The following CFTR variants were observed in gnomAD, a reference collection of about 807,000 sequenced individuals.
CFTR encodes the protein cystic fibrosis transmembrane conductance regulator.
CFTR carries 181 observed loss-of-function variants against 171.6 expected under a neutral mutation model. That is an observed-to-expected ratio of 1.05 (90% confidence interval 0.93 to 1.19). The LOEUF is 1.19. Ranked by LOEUF, CFTR falls within the 50% of genes most tolerant of loss-of-function variation. CFTR has a pLI of 0.00. For missense variants in CFTR, 1,968 were observed against 1,734.7 expected (o/e 1.13, Z -2.39); for synonymous variants, 583 against 608.0 (o/e 0.96, Z 0.60).
Position 117,528,151 on chromosome 7 carries a change from T to G in CFTR, c.274-2748T>G, listed in dbSNP as rs1393402190. Reference sequence around the variant, plus strand: ...TACAGTAACCAAAACAGCATGGTACTGGTACCAAAACAGAGATATAGATCA... The same window carrying G: ...TACAGTAACCAAAACAGCATGGTACGGGTACCAAAACAGAGATATAGATCA... On this transcript the variant is annotated intron_variant, in intron 3 of 26. Coordinates refer to ENST00000003084, the MANE Select transcript of CFTR (RefSeq NM_000492.4). Among the ~76,000 whole-genome samples the G allele has an allele frequency of 7.6e-3, 957 of 125,836 alleles. 13 individuals carry two copies. The highest frequency in any genetic ancestry group is 0.027 in the African/African-American group (905 of 33,782). The allele number at this position is 125,836 out of a possible 152,430, so 82.6% of individuals were successfully genotyped here.
rs531830892 is a variant in CFTR at position 117,531,139 on chromosome 7, A to G, written c.489+25A>G. 7 of 1,520,864 alleles carry G rather than the reference A, an allele frequency of 4.6e-6. No homozygotes were observed. In the African/African-American group the frequency reaches 5.5e-5, roughly 12 times the overall value. The allele number at this position is 1,520,864 out of a possible 1,614,324, so 94.2% of individuals were successfully genotyped here. A position where few individuals can be genotyped will look rare whatever the true frequency, so the allele number is the denominator to read the frequency against. Reference sequence around the variant, plus strand: ...GGTAATACTTCCTTGCACAGGCCCCATGGCACATATATTCTGTATCGTACA... The same window carrying G: ...GGTAATACTTCCTTGCACAGGCCCCGTGGCACATATATTCTGTATCGTACA... On this transcript the variant is annotated intron_variant, in intron 4 of 26. Coordinates refer to ENST00000003084, the MANE Select transcript of CFTR (RefSeq NM_000492.4).
At chr7:117,635,798 T>A (rs985003911) in intron 22 of CFTR, among the ~76,000 whole-genome samples, 3 of 152,224 alleles carry the variant, frequency 2.0e-5, no homozygotes, top group African/African-American at 7.2e-5. Flanking sequence ...TTCACTTACA[T>A]ATATGGGTAT....
rs397508635 is a variant in CFTR, at chr7:117,480,132, C to G, written c.38C>G (p.Ser13Cys). The G allele has an allele frequency of 6.2e-7, 1 of 1,613,844 alleles. No individual in the cohort carries two copies. The highest frequency in any genetic ancestry group is 8.5e-7 in the Non-Finnish European group (1 of 1,179,848). Residue 13 changes from serine (S) to cysteine (C), a missense_variant, in exon 1 of 27, where the codon TCC (serine) becomes TGC (cysteine). By Grantham distance (112) the Ser-to-Cys change is moderately radical. Coordinates refer to ENST00000003084, the MANE Select transcript of CFTR (RefSeq NM_000492.4). ...CCTCTGGAAAAGGCCAGCGTTGTCT[C>G]CAAACTTTTTTTCAGGTGAGAAGGT... is the stretch of plus-strand genomic sequence containing the variant. ...RSPLEKASVV[S>C]KLFFSWTRPI...
chr7:117,520,309 A>T (rs1256767192), intron 3 of CFTR, among the ~76,000 whole-genome samples: 2 of 147,314 alleles, frequency 1.4e-5, no homozygotes, highest in Admixed American at 6.7e-5. Flanking sequence ...ATTTTTGAAA[A>T]TTTTGCTGGC....
chr7:117,649,394 AC>A (rs1456529172), intron 23 of CFTR, among the ~76,000 whole-genome samples: 1 of 149,832 alleles, frequency 6.7e-6, no homozygotes. Flanking sequence ...ATATATACAC[AC>A]ATATATCTGT....
intron 10 of CFTR, among the ~76,000 whole-genome samples, chr7:117,554,566 T>C (rs1006554875): frequency 3.3e-5 from 5 of 151,906 alleles, no homozygotes; most frequent in Non-Finnish European, 7.4e-5. Context: ...AGTGTGAAGA[T>C]GGGGCTGGAT....
chr7:117,519,914 A>G (rs552235739), intron 3 of CFTR, among the ~76,000 whole-genome samples: 3 of 151,876 alleles, frequency 2.0e-5, no homozygotes, highest in Non-Finnish European at 2.9e-5. Context: ...TTGACTCTCT[A>G]CCTAAGTGTA....
intron 10 of CFTR, among the ~76,000 whole-genome samples, chr7:117,552,642 C>G (rs922092577): frequency 6.6e-6 from 1 of 152,114 alleles, no homozygotes; most frequent in Non-Finnish European, 1.5e-5. Context: ...TGCATTCCCT[C>G]ATCCAACCAA....
intron 24 of CFTR, among the ~76,000 whole-genome samples, chr7:117,658,795 C>A (rs564019369): frequency 6.6e-6 from 1 of 152,268 alleles, no homozygotes; most frequent in East Asian, 1.9e-4. Context: ...CCACCTGACA[C>A]CACTATTAAC....
intron 15 of CFTR, among the ~76,000 whole-genome samples, chr7:117,597,671 T>C (rs2116047214): frequency 6.6e-6 from 1 of 152,298 alleles, no homozygotes; most frequent in African/African-American, 2.4e-5. Flanking sequence ...AGATTAAAAG[T>C]ATATATTAGT....
At chr7:117,654,829 A>C (rs745578338) in intron 24 of CFTR, among the ~76,000 whole-genome samples, 12 of 152,162 alleles carry the variant, frequency 7.9e-5, no homozygotes, top group Non-Finnish European at 1.5e-4. Context: ...GGCAATGTGA[A>C]GTCTGCAATG....
At position 117,548,657 on chromosome 7, in the gene CFTR, T is replaced by A; in HGVS notation, c.1226T>A (p.Phe409Tyr). 6.2e-7 allele frequency: 1 copy of A among 1,613,036 alleles called. No individual in the cohort carries two copies. The highest frequency in any genetic ancestry group is 8.5e-7 in the Non-Finnish European group (1 of 1,179,408). ...AFWEEGFGEL[F>Y]EKAKQNNNNR... ...TTTTAACAGGGATTTGGGGAATTATTTGAGAAAGCAAAACAAAACAATAAC... is the reference window on the plus strand; with the variant it reads ...TTTTAACAGGGATTTGGGGAATTATATGAGAAAGCAAAACAAAACAATAAC... Residue 409 changes from phenylalanine (F) to tyrosine (Y), a missense_variant, in exon 10 of 27, where the codon TTT (phenylalanine) becomes TAT (tyrosine). By Grantham distance (22) the Phe-to-Tyr change is conservative. Transcript: ENST00000003084.
At chr7:117,523,813 A>G (rs987605398) in intron 3 of CFTR, among the ~76,000 whole-genome samples, 1 of 152,228 alleles carries the variant, frequency 6.6e-6, no homozygotes, top group Non-Finnish European at 1.5e-5. Context: ...TGTGATCTGG[A>G]AAATATAATG....
At chr7:117,565,629 C>T (rs949272474) in intron 11 of CFTR, among the ~76,000 whole-genome samples, 30 of 152,136 alleles carry the variant, frequency 2.0e-4, no homozygotes, top group Admixed American at 1.6e-3. Context: ...TTTGGAACCA[C>T]GTAATGGTCT....
Position 117,494,755 on chromosome 7 carries a change from C to A in CFTR, c.54-9498C>A, listed in dbSNP as rs1460245584. ...AAATGGAATAATTATAAAATAAATA[C>A]CAGCAAAGTTAAATCAATATATCAT... is the stretch of plus-strand genomic sequence containing the variant. On this transcript the variant is annotated intron_variant, in intron 1 of 26. Coordinates refer to ENST00000003084, the MANE Select transcript of CFTR (RefSeq NM_000492.4). 2.6e-5 allele frequency among the ~76,000 whole-genome samples: 4 copies of A among 152,106 alleles called. No individual in the cohort carries two copies. In the South Asian group the frequency reaches 8.3e-4, roughly 32 times the overall value.
intron 20 of CFTR, 86 bp from the exon 21 acceptor site, chr7:117,614,527 A>G (rs973746143): frequency 1.2e-6 from 1 of 844,230 alleles, no homozygotes; most frequent in Non-Finnish European, 2.1e-6. Flanking sequence ...TTAATGTGAT[A>G]TGTGCCCTAG....
intron 7 of CFTR, 36 bp downstream of exon 7, chr7:117,536,709 T>C: frequency 6.4e-7 from 1 of 1,564,088 alleles, no homozygotes; most frequent in South Asian, 1.1e-5. Context: ...TTGTTAGTAA[T>C]TCTGTCCTTA....
chr7:117,492,055 A>G (rs1798167715), intron 1 of CFTR, among the ~76,000 whole-genome samples: 2 of 152,108 alleles, frequency 1.3e-5, no homozygotes, highest in South Asian at 2.1e-4. Flanking sequence ...CATAAGAAAA[A>G]GGACCTTTTG....
intron 1 of CFTR, among the ~76,000 whole-genome samples, chr7:117,483,909 G>A (rs528826668): frequency 9.3e-4 from 141 of 152,244 alleles, no homozygotes; most frequent in Non-Finnish European, 5.4e-4. Context: ...AGAAATATAA[G>A]TGCTTTGAGC....
Sources: gnomAD v4.1 joint callset for allele counts (sites outside exome capture counted in the v4.1 genomes callset) on GRCh38, gnomAD v4.1.1 for gene constraint, MANE v1.5 for transcripts, NCBI Gene and HGNC (gene_info 2026-07-23, HGNC 2026-07-21) for gene names.